The following PAM16 variants were observed in gnomAD, a reference collection of about 807,000 sequenced individuals.
The protein encoded by PAM16 is mitochondrial import inner membrane translocase subunit TIM16.
Under a neutral mutation model 17.9 loss-of-function variants are expected in PAM16, and 11 were observed. The observed-to-expected ratio is 0.62, with a 90% CI of 0.39 to 1.02. The LOEUF (loss-of-function observed/expected upper bound fraction) is 1.02, where lower values mean the gene tolerates loss of function less well. PAM16 is among the 50% of genes least tolerant of loss of function. The probability of loss-of-function intolerance (pLI) is 0.01; values close to 1 mark genes in which losing one functional copy is unlikely to be tolerated. For missense variants in PAM16, 199 were observed against 165.4 expected, an observed-to-expected ratio of 1.20 and a Z score of -1.11; for synonymous variants, 72 against 67.4, an observed-to-expected ratio of 1.07 and a Z score of -0.34.
At chr16:4,343,363 C>A in intron 1 of PAM16, 72 bp from the exon 2 acceptor site, 1 of 1,536,756 alleles carries the variant, frequency 6.5e-7, no homozygotes, top group Admixed American at 2.1e-5. Context: ...CTGGAAACGG[C>A]TGCCGAGGGG....
At chr16:4,343,040 C>T (rs1596249419) in intron 2 of PAM16, among the ~76,000 whole-genome samples, 167 bp downstream of exon 2, 1 of 152,364 alleles carries the variant, frequency 6.6e-6, no homozygotes, top group Middle Eastern at 3.4e-3. Context: ...CTCTTGCTAA[C>T]CAGGTACCAC....
In PAM16 at chr16:4,340,952, A is replaced by G. The variant is rs1226597622; in HGVS notation, c.259T>C (p.Ser87Pro). ...YEHLFKVNDK[S>P]VGGSFYLQSK... ...TGCAGGTAGAAGGAGCCACCCACGG[A>G]TTTATCATTCACCTTAAATAAGTGT... Residue 87 changes from serine to proline, a missense_variant, in exon 4 of 5, where the codon TCC (serine) becomes CCC (proline). By Grantham distance (74) the Ser-to-Pro change is moderately conservative. Transcript: ENST00000318059. The G allele has an allele frequency of 6.2e-7, 1 of 1,613,702 alleles. No homozygotes were observed. The highest frequency in any genetic ancestry group is 8.5e-7 in the Non-Finnish European group (1 of 1,179,992).
intron 1 of PAM16, among the ~76,000 whole-genome samples, chr16:4,348,944 T>C (rs1290777997): frequency 1.6e-5 from 2 of 122,918 alleles, no homozygotes; most frequent in African/African-American, 3.1e-5. Context: ...GTACCCGGCC[T>C]AGCACTTTCT....
intron 1 of PAM16, chr16:4,343,540 C>T: frequency 1.4e-6 from 2 of 1,417,752 alleles, no homozygotes; most frequent in Non-Finnish European, 1.8e-6. Flanking sequence ...ACTGGCCCCA[C>T]CTCATCCTTC....
At position 4,340,326 on chromosome 16, in the gene PAM16, T is replaced by C. The variant is rs142910532; in HGVS notation, c.371A>G (p.His124Arg). The stretch of plus-strand genomic sequence containing the variant: ...GCGGGGGGAGCCGAGCAGTCACGTA[T>C]GGGGCATCTGCCCTTTTTCTCTGTC... ...QEDREKGQMP[H>R]T Residue 124 changes from histidine (H) to arginine (R), a missense_variant, in exon 5 of 5, where the codon CAT becomes CGT. Coordinates refer to ENST00000318059, the MANE Select transcript of PAM16 (RefSeq NM_016069.11). The C allele has an allele frequency of 5.6e-6, 9 of 1,612,524 alleles. No individual in the cohort carries two copies. In the African/African-American group the frequency reaches 1.1e-4, roughly 19 times the overall value.
Position 4,341,386 on chromosome 16 carries a change from G to A in PAM16, c.207C>T (p.Ser69=). The change falls in exon 3 of 5, where the codon AGC becomes AGT. Residue 69 remains serine, a synonymous_variant. Coordinates refer to ENST00000318059, the MANE Select transcript of PAM16 (RefSeq NM_016069.11). ...GCCTCACCTTCTGGACCTCCTCAGG[G>A]CTCAGCTTGGACACGTTGAGAATCT... The part of the protein sequence containing the change: ...AQQILNVSKL[S]PEEVQKNYEH... 1 of 1,585,532 alleles carries A rather than the reference G, an allele frequency of 6.3e-7. No individual in the cohort carries two copies. The highest frequency in any genetic ancestry group is 1.8e-5 in the Admixed American group (1 of 55,638).
At chr16:4,343,403 GCA>G (rs1448616325) in intron 1 of PAM16, 112 bp from the exon 2 acceptor site, 1 of 1,480,690 alleles carries the variant, frequency 6.8e-7, no homozygotes, top group Non-Finnish European at 9.0e-7. Flanking sequence ...AGGTCATGAA[GCA>G]CAGAGCTGCA....
chr16:4,340,271 C>T lies in PAM16; in HGVS notation c.*48G>A, dbSNP rs1290023867. ...AGAAATGCAGAAAAGAAATTTATTACCAAGCTATAAATTAGAGGCGGCGGG... is the reference window on the plus strand; with the variant it reads ...AGAAATGCAGAAAAGAAATTTATTATCAAGCTATAAATTAGAGGCGGCGGG... On this transcript the variant is annotated 3_prime_UTR_variant, in exon 5 of 5. Transcript: ENST00000318059. 3 of 1,571,128 alleles carry T rather than the reference C, an allele frequency of 1.9e-6. No individual in the cohort carries two copies. Among genetic ancestry groups the T allele is most frequent in the East Asian group, 2.3e-5 (1 of 44,210 alleles).
At chr16:4,350,836 CA>C (rs1353121519) in intron 1 of PAM16, 2 of 179,702 alleles carry the variant, frequency 1.1e-5, no homozygotes, top group Admixed American at 1.2e-4. Context: ...CCAGGTCAGC[CA>C]CTTCCCTGGA....
chr16:4,345,053 T>C (rs1399728254), intron 1 of PAM16, among the ~76,000 whole-genome samples: 6 of 151,896 alleles, frequency 4.0e-5, no homozygotes, highest in Non-Finnish European at 4.4e-5. Flanking sequence ...CATGGAAAGA[T>C]GCACAGATCT....
chr16:4,341,338 T>C, intron 3 of PAM16, 30 bp downstream of exon 3: 1 of 1,551,534 alleles, frequency 6.4e-7, no homozygotes. Context: ...CCTCTCCCTC[T>C]CAAACTTTGG....
intron 1 of PAM16, among the ~76,000 whole-genome samples, chr16:4,344,998 A>G (rs995757523): frequency 2.6e-5 from 4 of 152,044 alleles, no homozygotes; most frequent in African/African-American, 9.7e-5. Context: ...GCGAGCAGCC[A>G]ATAGCCTAGG....
chr16:4,346,063 C>T, intron 1 of PAM16: 1 of 733,166 alleles, frequency 1.4e-6, no homozygotes, highest in Non-Finnish European at 1.7e-6. Context: ...GCTTCCCCGA[C>T]CATCCCCTGC....
intron 1 of PAM16, among the ~76,000 whole-genome samples, chr16:4,349,549 T>G (rs1243452601): frequency 6.6e-6 from 1 of 152,130 alleles, no homozygotes; most frequent in Non-Finnish European, 1.5e-5. Context: ...ATCGTACCAC[T>G]GTACTCCAGC....
At position 4,351,272 on chromosome 16, in the gene PAM16, C is replaced by T. The variant is rs780660624; in HGVS notation, c.-38G>A. 7.6e-6 allele frequency: 11 copies of T among 1,454,694 alleles called. No homozygotes were observed. The Admixed American group carries it at 2.1e-4, about 28-fold the overall frequency. The allele number at this position is 1,454,694 out of a possible 1,614,324, so 90.1% of individuals were successfully genotyped here. On this transcript the variant is annotated 5_prime_UTR_variant, in exon 1 of 5. Transcript: ENST00000318059. ...GCCTCCGGGGCTCAAACTCCGACTT[C>T]CTGGCCCCGCGGCCGGGGATCAAGC...
chr16:4,344,186 G>C, intron 1 of PAM16: 1 of 384,272 alleles, frequency 2.6e-6, no homozygotes, highest in Non-Finnish European at 4.5e-6. Flanking sequence ...GATTCGGTGA[G>C]AGGAGGGGGT....
intron 1 of PAM16, chr16:4,344,202 G>A (rs918585522): frequency 1.4e-5 from 5 of 367,698 alleles, no homozygotes; most frequent in Non-Finnish European, 2.4e-5. Context: ...GGGGTTCTGT[G>A]TGAGAGGAGG....
intron 1 of PAM16, chr16:4,346,692 CTTTT>C (rs893644175): frequency 6.6e-6 from 1 of 152,072 alleles, no homozygotes; most frequent in Non-Finnish European, 1.5e-5. Flanking sequence ...CTCTCTGAAT[CTTTT>C]TTTGTTTTGG....
At chr16:4,345,854 T>A in intron 1 of PAM16, 1 of 985,378 alleles carries the variant, frequency 1.0e-6, no homozygotes. Flanking sequence ...ATGCTGGTGC[T>A]GTCTGAAGGA....
Sources: gnomAD v4.1 joint callset for allele counts (sites outside exome capture counted in the v4.1 genomes callset) on GRCh38, gnomAD v4.1.1 for gene constraint, MANE v1.5 for transcripts, NCBI Gene and HGNC (gene_info 2026-07-23, HGNC 2026-07-21) for gene names.